The following ATXN2 variants were observed in gnomAD, a reference collection of about 807,000 sequenced individuals.
The protein encoded by ATXN2 is ataxin 2.
In ATXN2, 37 loss-of-function variants were observed where a neutral mutation model predicts 138.6. The ratio of observed to expected loss-of-function variants is 0.27; its 90% confidence interval spans 0.21 to 0.35. The LOEUF is 0.35. ATXN2 is among the 10% of genes least tolerant of loss of function. ATXN2 has a pLI of 1.00. For synonymous variants in ATXN2, 549 were observed against 543.7 expected, an observed-to-expected ratio of 1.01 and a Z score of -0.13; for missense variants, 1,216 against 1,480.3, an observed-to-expected ratio of 0.82 and a Z score of 2.93.
At chr12:111,474,011 A>T (rs907635687) in intron 18 of ATXN2, among the ~76,000 whole-genome samples, 1 of 152,180 alleles carries the variant, frequency 6.6e-6, no homozygotes, top group Non-Finnish European at 1.5e-5. Context: ...TTGGGAGTCA[A>T]GGCAGGCAGA....
At chr12:111,527,917 T>A (rs1459691186) in intron 5 of ATXN2, among the ~76,000 whole-genome samples, 2 of 152,224 alleles carry the variant, frequency 1.3e-5, no homozygotes, top group Non-Finnish European at 2.9e-5. Flanking sequence ...TAGCCATGTG[T>A]ATTTTCAAGA....
At chr12:111,566,688 G>A (rs759876364) in intron 1 of ATXN2, among the ~76,000 whole-genome samples, 5 of 150,910 alleles carry the variant, frequency 3.3e-5, no homozygotes, top group Admixed American at 6.6e-5. Flanking sequence ...CCAGGCTGGA[G>A]TGCAAGGGCA....
chr12:111,594,209 T>C (rs1211416810), intron 1 of ATXN2, among the ~76,000 whole-genome samples: 4 of 152,222 alleles, frequency 2.6e-5, no homozygotes, highest in African/African-American at 9.6e-5. Context: ...CCCATGTACA[T>C]AGATGCTTCA....
At chr12:111,592,707 C>T (rs1354811277) in intron 1 of ATXN2, among the ~76,000 whole-genome samples, 2 of 134,962 alleles carry the variant, frequency 1.5e-5, no homozygotes, top group South Asian at 2.4e-4. Flanking sequence ...CACTTGAACC[C>T]GGGAGGCAAA....
At chr12:111,524,843 T>G (rs574296226) in intron 6 of ATXN2, among the ~76,000 whole-genome samples, 16 of 152,320 alleles carry the variant, frequency 1.1e-4, no homozygotes, top group African/African-American at 3.6e-4. Context: ...GACACCACTT[T>G]CCTTAGGCTA....
Position 111,598,940 on chromosome 12 carries a change from G to A in ATXN2, c.95C>T (p.Ala32Val), listed in dbSNP as rs1379089463. 8.0e-6 allele frequency: 12 copies of A among 1,507,702 alleles called. No homozygotes were observed. The highest frequency in any genetic ancestry group is 9.7e-6 in the Non-Finnish European group (11 of 1,133,366). 93.4% of individuals were successfully genotyped at this position (1,507,702 alleles called of 1,614,324 possible). A position where few individuals can be genotyped will look rare whatever the true frequency, so the allele number is the denominator to read the frequency against. ...GCCGGGCTTGCGGACATTGGCAGCC[G>A]CGGGCGGCGGCTGCTGCTGCTGCTG... ...QQQQQQQPPP[A>V]AANVRKPGGS... Residue 32 changes from alanine (A) to valine (V), a missense_variant, in exon 1 of 25, where the codon GCG (alanine) becomes GTG (valine). Physicochemically the swap from Ala to Val is moderately conservative, Grantham distance 64. This residue lies in a region of ATXN2 where 110 missense variants were observed against 88.7 expected (regional missense o/e 1.24). Coordinates refer to ENST00000673436, the MANE Select transcript of ATXN2 (RefSeq NM_001372574.1). The surrounding 1 kb of genome is among the most constrained non-coding windows in gnomAD (Gnocchi z 4.5).
At chr12:111,562,793 A>T (rs1882776171) in intron 1 of ATXN2, among the ~76,000 whole-genome samples, 1 of 152,058 alleles carries the variant, frequency 6.6e-6, no homozygotes, top group Admixed American at 6.6e-5. Context: ...TGGTAACACC[A>T]TAGTAAATAA....
rs766822471 is a variant in ATXN2, at chr12:111,516,348, G to A, written c.1181C>T (p.Ser394Leu). The A allele has an allele frequency of 3.2e-6, 5 of 1,579,342 alleles. No individual in the cohort carries two copies. The South Asian group carries it at 3.4e-5, about 11-fold the overall frequency. The change falls in exon 10 of 25, where the codon TCG (serine) becomes TTG (leucine). Residue 394 changes from serine (S) to leucine (L), a missense_variant. By Grantham distance (145) the Ser-to-Leu change is moderately radical. Around this residue, in one of 4 missense-constraint regions of ATXN2, gnomAD observed 401 missense variants for 528.1 expected, o/e 0.76. Transcript: ENST00000673436. This position sits in a 1 kb window ranked among gnomAD's most constrained non-coding sequence, Gnocchi z 5.0. ...GCGAGAGGAAGGAGATGGGCAAGGC[G>A]ATGGCCAGGGAACACCTGACAGAAC... is the stretch of plus-strand genomic sequence containing the variant. ...RVVNGGVPWP[S>L]PCPSPSSRPP...
intron 1 of ATXN2, among the ~76,000 whole-genome samples, chr12:111,584,166 G>A (rs1325145696): frequency 2.0e-5 from 3 of 151,728 alleles, no homozygotes; most frequent in Non-Finnish European, 4.4e-5. Context: ...TGGATCATCT[G>A]AGCTCCAGAG....
chr12:111,474,657 G>A (rs780531048), intron 18 of ATXN2, among the ~76,000 whole-genome samples: 1 of 152,134 alleles, frequency 6.6e-6, no homozygotes, highest in African/African-American at 2.4e-5. Context: ...CTAAAATGTT[G>A]GTGGATAAAC....
chr12:111,549,732 C>T lies in ATXN2; in HGVS notation c.571+2548G>A, dbSNP rs142749080. 9.9e-5 allele frequency among the ~76,000 whole-genome samples: 15 copies of T among 152,130 alleles called. No individual in the cohort carries two copies. In the East Asian group the frequency reaches 1.2e-3, roughly 12 times the overall value. Reference sequence around the variant, plus strand: ...TATTTTCAGGATACTACGCACTGGACGCAATTGTATAATTCACTAAACCAC... The same window carrying T: ...TATTTTCAGGATACTACGCACTGGATGCAATTGTATAATTCACTAAACCAC... On this transcript the variant is annotated intron_variant, in intron 5 of 24. Coordinates refer to ENST00000673436, the MANE Select transcript of ATXN2 (RefSeq NM_001372574.1).
chr12:111,570,363 G>A (rs894221114), intron 1 of ATXN2, among the ~76,000 whole-genome samples: 4 of 152,212 alleles, frequency 2.6e-5, no homozygotes, highest in African/African-American at 7.2e-5. Flanking sequence ...AAAGCTGAGT[G>A]ACAGGTACAT....
intron 14 of ATXN2, among the ~76,000 whole-genome samples, chr12:111,496,090 G>A (rs1878407199): frequency 1.3e-5 from 2 of 152,068 alleles, no homozygotes; most frequent in South Asian, 2.1e-4. Context: ...GAAGGCGGAG[G>A]TTGCAGGTGA....
At chr12:111,486,153 T>A (rs1429557699) in intron 16 of ATXN2, among the ~76,000 whole-genome samples, 1 of 152,198 alleles carries the variant, frequency 6.6e-6, no homozygotes, top group Admixed American at 6.5e-5. Flanking sequence ...CTTCTTATGA[T>A]CTCAGTCGAA....
chr12:111,519,585 T>C (rs759309320), intron 8 of ATXN2, among the ~76,000 whole-genome samples: 6 of 152,216 alleles, frequency 3.9e-5, no homozygotes, highest in Non-Finnish European at 8.8e-5. Flanking sequence ...CAAATCATAT[T>C]GTACTGCTGT....
At chr12:111,481,253 T>A (rs937368888) in intron 18 of ATXN2, among the ~76,000 whole-genome samples, 2 of 152,178 alleles carry the variant, frequency 1.3e-5, no homozygotes, top group Admixed American at 1.3e-4. Context: ...GAGACCAGCC[T>A]GGGAAGCACG....
chr12:111,456,218 G>A lies in ATXN2; in HGVS notation c.3081C>T (p.Ala1027=), dbSNP rs1875082070. The A allele has an allele frequency of 3.1e-6, 5 of 1,614,246 alleles. No homozygotes were observed. The highest frequency in any genetic ancestry group is 3.4e-6 in the Non-Finnish European group (4 of 1,180,048). ...QHQAAQALHL[A]SPQQQSAIYH... ...AAATGGCTGACTGCTGCTGTGGACTGGCCAGATGGAGAGCCTGGGCGGCCT... is the reference window on the plus strand; with the variant it reads ...AAATGGCTGACTGCTGCTGTGGACTAGCCAGATGGAGAGCCTGGGCGGCCT... Residue 1027 remains alanine (A), a synonymous_variant, in exon 23 of 25, where the codon GCC becomes GCT. Coordinates refer to ENST00000673436, the MANE Select transcript of ATXN2 (RefSeq NM_001372574.1).
rs370407071 is a variant in ATXN2 at position 111,564,591 on chromosome 12, GA to G, written c.252-8673del. On this transcript the variant is annotated intron_variant, in intron 1 of 24. Coordinates refer to ENST00000673436, the MANE Select transcript of ATXN2 (RefSeq NM_001372574.1). ...AAAGTTTGCCCATCCTCACACTGAAGAAAAAAAAAAACATAGCTGCAACAGC... is the reference window on the plus strand; with the variant it reads ...AAAGTTTGCCCATCCTCACACTGAAGAAAAAAAAAACATAGCTGCAACAGC... 9.6e-4 allele frequency among the ~76,000 whole-genome samples: 136 copies of G among 142,220 alleles called. 1 individual carries two copies. The highest frequency in any genetic ancestry group is 5.7e-3 in the Admixed American group (81 of 14,148). The allele number at this position is 142,220 out of a possible 152,430, so 93.3% of individuals were successfully genotyped here.
At chr12:111,538,318 A>G (rs941650550) in intron 5 of ATXN2, among the ~76,000 whole-genome samples, 1 of 152,182 alleles carries the variant, frequency 6.6e-6, no homozygotes, top group Non-Finnish European at 1.5e-5. Flanking sequence ...GAAAACATTT[A>G]TAAGATAAAA....
Sources: gnomAD v4.1 joint callset for allele counts (sites outside exome capture counted in the v4.1 genomes callset) on GRCh38, gnomAD v4.1.1 for gene constraint, gnomAD v4.1.1 regional missense constraint, Gnocchi (gnomAD v3.1) non-coding constraint, MANE v1.5 for transcripts, NCBI Gene and HGNC (gene_info 2026-07-23, HGNC 2026-07-21) for gene names.